The following AKAP13 variants were observed in gnomAD, a reference collection of about 807,000 sequenced individuals.
The protein encoded by AKAP13 is A-kinase anchor protein 13.
AKAP13 carries 80 observed loss-of-function variants against 264.5 expected under a neutral mutation model. The ratio of observed to expected loss-of-function variants is 0.30; its 90% CI spans 0.25 to 0.36. The LOEUF (loss-of-function observed/expected upper bound fraction) is 0.36, where lower values mean the gene tolerates loss of function less well. AKAP13 is among the 10% of genes least tolerant of loss of function. AKAP13 has a pLI of 1.00. For missense variants in AKAP13, 3,712 were observed against 3,435.2 expected (o/e 1.08, Z -2.01); for synonymous variants, 1,380 against 1,250.2 (o/e 1.10, Z -2.19).
chr15:85,458,393 G>GTTTTTTTTTTTTTTTTTTTT (rs4037636), intron 1 of AKAP13, among the ~76,000 whole-genome samples: 55 of 120,632 alleles, frequency 4.6e-4, no homozygotes, highest in African/African-American at 9.5e-4. Context: ...TTTGTTTTTT[G>GTTTTTTTTTTTTTTTTTTTT]TTTTTTTTTT....
At chr15:85,573,109 G>T (rs1163786615) in intron 5 of AKAP13, among the ~76,000 whole-genome samples, 1 of 152,212 alleles carries the variant, frequency 6.6e-6, no homozygotes, top group Non-Finnish European at 1.5e-5. Flanking sequence ...AAAAACTGGA[G>T]AGACAGTTGA....
chr15:85,566,800 A>G (rs1481977878), intron 5 of AKAP13, among the ~76,000 whole-genome samples: 1 of 150,572 alleles, frequency 6.6e-6, no homozygotes, highest in Non-Finnish European at 1.5e-5. Flanking sequence ...CTAATTTTTT[A>G]TATTTTTTGG....
intron 14 of AKAP13, among the ~76,000 whole-genome samples, chr15:85,680,307 AT>A (rs569446404): frequency 4.7e-5 from 7 of 149,930 alleles, no homozygotes; most frequent in South Asian, 2.1e-4. Flanking sequence ...TATCCTCTTG[AT>A]TTTTTTTTTA....
At chr15:85,630,551 A>G (rs2081726187) in intron 8 of AKAP13, among the ~76,000 whole-genome samples, 1 of 152,216 alleles carries the variant, frequency 6.6e-6, no homozygotes, top group African/African-American at 2.4e-5. Flanking sequence ...CTATTTTACT[A>G]CTTCTGCTTT....
chr15:85,513,708 C>T (rs886896693), intron 2 of AKAP13, among the ~76,000 whole-genome samples: 1 of 152,184 alleles, frequency 6.6e-6, no homozygotes, highest in African/African-American at 2.4e-5. Context: ...AGATACTGCT[C>T]TTTAGTTGTC....
At chr15:85,625,532 T>A (rs1280472144) in intron 8 of AKAP13, among the ~76,000 whole-genome samples, 1 of 152,070 alleles carries the variant, frequency 6.6e-6, no homozygotes, top group African/African-American at 2.4e-5. Context: ...ATGAAAAAAA[T>A]GTCTGGTGGC....
chr15:85,500,752 G>C lies in AKAP13; in HGVS notation c.33+14999G>C, dbSNP rs78724710. On this transcript the variant is annotated intron_variant, in intron 2 of 36. Coordinates refer to ENST00000394518, the MANE Select transcript of AKAP13 (RefSeq NM_007200.5). ...CTTAGGGTATTTATCTTTAAGTATA[G>C]AGAATGTCACCTGTACTCCCAGAAA... 9.9e-3 allele frequency among the ~76,000 whole-genome samples: 1,508 copies of C among 152,182 alleles called. 15 individuals carry two copies. Among genetic ancestry groups the C allele is most frequent in the African/African-American group, 0.034 (1,419 of 41,482 alleles).
rs1387853725 is a variant in AKAP13, at chr15:85,736,092, T to C, written c.7515T>C (p.Gly2505=). Residue 2505 remains glycine, a splice_region_variant and synonymous_variant, in exon 33 of 37, where the codon GGT becomes GGC. Coordinates refer to ENST00000394518, the MANE Select transcript of AKAP13 (RefSeq NM_007200.5). ...TATGTATGTTTTTTGTTTTATAGGG[T>C]GGAAATGCTAACCTGGTATTTATGC... ...RTESDSGLKK[G]GNANLVFMLK... The C allele has an allele frequency of 6.2e-7, 1 of 1,605,484 alleles. No homozygotes were observed. Among genetic ancestry groups the C allele is most frequent in the Non-Finnish European group, 8.5e-7 (1 of 1,172,614 alleles).
chr15:85,536,501 C>A (rs2077402255), intron 4 of AKAP13: 1 of 152,194 alleles, frequency 6.6e-6, no homozygotes, highest in Admixed American at 6.5e-5. Context: ...AATCTGTAGT[C>A]ACCAAAAAGT....
chr15:85,570,449 C>T (rs1775757514), intron 5 of AKAP13, among the ~76,000 whole-genome samples: 2 of 152,058 alleles, frequency 1.3e-5, no homozygotes, highest in Admixed American at 1.3e-4. Context: ...GAGACTCTGT[C>T]TCAAAAAACA....
At chr15:85,729,616 C>T (rs2087844684) in intron 29 of AKAP13, among the ~76,000 whole-genome samples, 1 of 152,006 alleles carries the variant, frequency 6.6e-6, no homozygotes, top group Non-Finnish European at 1.5e-5. Flanking sequence ...TGAATGAGAT[C>T]CTCAAGAGGA....
chr15:85,572,482 T>C (rs1176095335), intron 5 of AKAP13, among the ~76,000 whole-genome samples: 1 of 151,586 alleles, frequency 6.6e-6, no homozygotes, highest in Non-Finnish European at 1.5e-5. Flanking sequence ...GTATAGCAAC[T>C]TAGTAAAATA....
intron 14 of AKAP13, among the ~76,000 whole-genome samples, chr15:85,681,279 G>T (rs188554785): frequency 6.6e-6 from 1 of 152,210 alleles, no homozygotes; most frequent in African/African-American, 2.4e-5. Flanking sequence ...TGTTTCCCTG[G>T]AATATACATG....
Position 85,741,137 on chromosome 15 carries a change from C to G in AKAP13, c.7700C>G (p.Ser2567Cys), listed in dbSNP as rs773240426. 4 of 1,613,604 alleles carry G rather than the reference C, an allele frequency of 2.5e-6. No individual in the cohort carries two copies. The highest frequency in any genetic ancestry group is 3.4e-6 in the Non-Finnish European group (4 of 1,179,834). Reference protein sequence around the residue: ...ALTRSLSRPSSLIEQEKQRSL... With the variant: ...ALTRSLSRPSCLIEQEKQRSL... ...ACTCGCAGCTTGTCCCGCCCGAGCT[C>G]CCTCATTGAGCAGGAGAAGCAGCGC... Residue 2567 changes from serine (S) to cysteine (C), a missense_variant, in exon 35 of 37, where the codon TCC (serine) becomes TGC (cysteine). Physicochemically the swap from Ser to Cys is moderately radical, Grantham distance 112. Coordinates refer to ENST00000394518, the MANE Select transcript of AKAP13 (RefSeq NM_007200.5).
In AKAP13 at chr15:85,533,933, T is replaced by C. The variant is rs115105465; in HGVS notation, c.478+53T>C. 2.3e-3 allele frequency: 3,418 copies of C among 1,494,600 alleles called. 68 individuals carry two copies. In the African/African-American group the frequency reaches 0.044, roughly 19 times the overall value. 92.6% of individuals were successfully genotyped at this position (1,494,600 alleles called of 1,614,324 possible). On this transcript the variant is annotated intron_variant, in intron 4 of 36. Coordinates refer to ENST00000394518, the MANE Select transcript of AKAP13 (RefSeq NM_007200.5). ...ACTTTAAGTTTGTGATATTTCTACT[T>C]TTTTTTTAATGGGGCTACTTTTCTA...
chr15:85,415,164 G>GT (rs2072181490), intron 1 of AKAP13: 10 of 922,696 alleles, frequency 1.1e-5, no homozygotes, highest in African/African-American at 3.3e-5. Flanking sequence ...AAAATGAGAT[G>GT]TGACAGCACG....
Position 85,693,390 on chromosome 15 carries a change from T to A in AKAP13, c.5403T>A (p.Gly1801=). 4 of 1,613,932 alleles carry A rather than the reference T, an allele frequency of 2.5e-6. No individual in the cohort carries two copies. The highest frequency in any genetic ancestry group is 3.4e-6 in the Non-Finnish European group (4 of 1,179,950). Residue 1801 remains glycine (G), a synonymous_variant, in exon 17 of 37, where the codon GGT becomes GGA. Transcript: ENST00000394518. The part of the protein sequence containing the change: ...GHTFSSIPVV[G]PISCSQCMKP... The stretch of plus-strand genomic sequence containing the variant: ...CTTTCAGTTCCATTCCTGTTGTGGG[T>A]CCCATCAGCTGTAGCCAGTGTATGA...
At chr15:85,655,283 A>G (rs1012834856) in intron 10 of AKAP13, 134 bp from the exon 11 acceptor site, 235 of 1,107,080 alleles carry the variant, frequency 2.1e-4, no homozygotes, top group Non-Finnish European at 9.7e-5. Flanking sequence ...CTATTAAAAA[A>G]ACAAGTCTCT....
intron 1 of AKAP13, among the ~76,000 whole-genome samples, chr15:85,447,193 G>A (rs2073930063): frequency 6.6e-6 from 1 of 152,106 alleles, no homozygotes; most frequent in East Asian, 1.9e-4. Flanking sequence ...CTTGAACCGG[G>A]GAGGTGGAGG....
Sources: allele counts gnomAD v4.1 joint callset (sites outside exome capture counted in the v4.1 genomes callset), GRCh38; gene constraint gnomAD v4.1.1; transcripts MANE v1.5; gene names NCBI Gene and HGNC (gene_info 2026-07-23, HGNC 2026-07-21).